The following HEATR4 variants were observed in gnomAD, a reference collection of about 807,000 sequenced individuals.
HEATR4 encodes the protein HEAT repeat-containing protein 4.
A neutral mutation model predicts 108.8 loss-of-function variants in HEATR4; 95 were observed. The ratio of observed to expected loss-of-function variants is 0.87; its 90% CI spans 0.74 to 1.04. The LOEUF (loss-of-function observed/expected upper bound fraction) is 1.04, where lower values mean the gene tolerates loss of function less well. Among genes scored for constraint, HEATR4 ranks in the 50% least tolerant of loss-of-function variants. The pLI, the probability that HEATR4 is intolerant of heterozygous loss-of-function variation, is 0.00. For missense variants in HEATR4, 1,152 were observed against 1,253.8 expected, an observed-to-expected ratio of 0.92 and a Z score of 1.23; for synonymous variants, 443 against 459.4, an observed-to-expected ratio of 0.96 and a Z score of 0.46.
At chr14:73,515,667 A>G (rs1015074930) in intron 5 of HEATR4, among the ~76,000 whole-genome samples, 2 of 98,520 alleles carry the variant, frequency 2.0e-5, no homozygotes, top group Admixed American at 1.2e-4. Context: ...GCGAGACTCC[A>G]TCTCAAAAAA....
Position 73,492,353 on chromosome 14 carries a change from G to A in HEATR4, c.2844+713C>T, listed in dbSNP as rs759738436. On this transcript the variant is annotated intron_variant, in intron 17 of 17. Transcript: ENST00000553558. The surrounding 1 kb of genome is among the most constrained non-coding windows in gnomAD (Gnocchi z 4.9). The stretch of plus-strand genomic sequence containing the variant: ...TCTGGCAGTGCAGGCTGCAATGGAA[G>A]AAAATGTGGAGTTTCGGAGGGGTCT... 2.5e-6 allele frequency: 4 copies of A among 1,613,930 alleles called. No homozygotes were observed. The highest frequency in any genetic ancestry group is 2.2e-5 in the South Asian group (2 of 91,080).
At chr14:73,525,680 C>T (rs368982346) in intron 2 of HEATR4, among the ~76,000 whole-genome samples, 7 of 152,126 alleles carry the variant, frequency 4.6e-5, no homozygotes, top group East Asian at 1.9e-4. Flanking sequence ...AGGCCGGATG[C>T]GGTGGCTCAC....
chr14:73,506,192 T>C, intron 10 of HEATR4, among the ~76,000 whole-genome samples: 1 of 152,156 alleles, frequency 6.6e-6, no homozygotes, highest in East Asian at 1.9e-4. Context: ...CCCGGCCTAC[T>C]ATAAACGTTT....
chr14:73,491,441 G>A, intron 17 of HEATR4: 1 of 1,380,092 alleles, frequency 7.2e-7, no homozygotes, highest in Non-Finnish European at 9.3e-7. Context: ...GCCGGTCCGG[G>A]TGGTGGAGAC....
chr14:73,503,082 G>GT, intron 10 of HEATR4, 69 bp from the exon 11 acceptor site: 8 of 1,274,232 alleles, frequency 6.3e-6, no homozygotes, highest in East Asian at 2.3e-5. Flanking sequence ...GCGTTGTGCT[G>GT]TTTTTTCTTC....
the HEATR4 span, among the ~76,000 whole-genome samples, chr14:73,586,271 T>G: frequency 1.3e-5 from 2 of 151,856 alleles, no homozygotes; most frequent in African/African-American, 4.8e-5. Flanking sequence ...CGCATGCCTG[T>G]AATCCCAGCT....
chr14:73,612,813 T>G, the HEATR4 span: 4 of 1,423,044 alleles, frequency 2.8e-6, no homozygotes, highest in East Asian at 9.0e-5. Context: ...ATGGGGCTGC[T>G]GTGGGCGTTG....
At chr14:73,485,616 T>C (rs1281815462) in intron 17 of HEATR4, among the ~76,000 whole-genome samples, 4 of 152,192 alleles carry the variant, frequency 2.6e-5, no homozygotes, top group Non-Finnish European at 5.9e-5. Flanking sequence ...CTCATTCCTG[T>C]AATCCCAGCA....
the HEATR4 span, among the ~76,000 whole-genome samples, chr14:73,629,733 C>T: frequency 6.6e-5 from 10 of 151,876 alleles, no homozygotes; most frequent in African/African-American, 2.4e-4. Flanking sequence ...CAAGCTCTGC[C>T]TCCCGGGTTC....
Position 73,536,210 on chromosome 14 carries a change from A to C in HEATR4, c.-151-5966T>G, listed in dbSNP as rs185197365. The stretch of plus-strand genomic sequence containing the variant: ...GCAAACACAGGTTTTGTGAGTTTGA[A>C]GCTTACGCATTTATAGGTTTCTCTA... On this transcript the variant is annotated intron_variant, in intron 1 of 17. Transcript: ENST00000553558. Among the ~76,000 whole-genome samples the C allele has an allele frequency of 1.1e-3, 127 of 113,714 alleles. 30 individuals carry two copies. Among genetic ancestry groups the C allele is most frequent in the African/African-American group, 3.3e-3 (115 of 34,892 alleles). The allele number at this position is 113,714 out of a possible 152,430, so 74.6% of individuals were successfully genotyped here.
chr14:73,618,327 T>A, the HEATR4 span, among the ~76,000 whole-genome samples: 1 of 151,814 alleles, frequency 6.6e-6, no homozygotes, highest in African/African-American at 2.4e-5. Context: ...CACCCCAGAA[T>A]TCTCTGCCAA....
At position 73,506,804 on chromosome 14, in the gene HEATR4, G is replaced by GTTTTTTTTTTTTTTTTTTTTTTTTTTTTT. The variant is rs34660727; in HGVS notation, c.1882-234_1882-233insAAAAAAAAAAAAAAAAAAAAAAAAAAAAA. On this transcript the variant is annotated intron_variant, in intron 9 of 17. Transcript: ENST00000553558. The stretch of plus-strand genomic sequence containing the variant: ...GGACCTTCCTTTCCTGACTTTAACT[G>GTTTTTTTTTTTTTTTTTTTTTTTTTTTTT]TTTTTTTTTTTTTTTTTTTTTCTGA... Among the ~76,000 whole-genome samples the GTTTTTTTTTTTTTTTTTTTTTTTTTTTTT allele has an allele frequency of 2.7e-4, 22 of 80,490 alleles. 3 individuals are homozygous for GTTTTTTTTTTTTTTTTTTTTTTTTTTTTT. The highest frequency in any genetic ancestry group is 1.2e-3 in the East Asian group (2 of 1,738). 52.8% of individuals were successfully genotyped at this position (80,490 alleles called of 152,430 possible). A position where few individuals can be genotyped will look rare whatever the true frequency, so the allele number is the denominator to read the frequency against.
At chr14:73,590,427 C>T in the HEATR4 span, among the ~76,000 whole-genome samples, 2 of 152,276 alleles carry the variant, frequency 1.3e-5, no homozygotes, top group Non-Finnish European at 2.9e-5. Flanking sequence ...CCAGTGGATG[C>T]CGCACGGGGT....
intron 1 of HEATR4, among the ~76,000 whole-genome samples, chr14:73,548,867 CTG>C (rs1478724145): frequency 8.7e-6 from 1 of 114,334 alleles, no homozygotes; most frequent in South Asian, 2.8e-4. Flanking sequence ...TATTAACACA[CTG>C]TGAAAGGATT....
At chr14:73,482,552 G>T (rs983821632) in intron 17 of HEATR4, among the ~76,000 whole-genome samples, 1 of 152,154 alleles carries the variant, frequency 6.6e-6, no homozygotes, top group African/African-American at 2.4e-5. Flanking sequence ...GGAAGCACAG[G>T]AGACTTTTTA....
At chr14:73,504,977 GC>G (rs1295848455) in intron 10 of HEATR4, among the ~76,000 whole-genome samples, 1 of 152,074 alleles carries the variant, frequency 6.6e-6, no homozygotes, top group Admixed American at 6.5e-5. Flanking sequence ...TGTCGCCCAG[GC>G]TGGAGTGCAG....
At chr14:73,604,743 C>T in the HEATR4 span, among the ~76,000 whole-genome samples, 3 of 152,088 alleles carry the variant, frequency 2.0e-5, no homozygotes, top group African/African-American at 7.2e-5. Context: ...CAGCCTTGGC[C>T]TCCCAAGTGC....
chr14:73,516,503 T>C (rs1257901053), intron 5 of HEATR4, among the ~76,000 whole-genome samples: 1 of 147,464 alleles, frequency 6.8e-6, no homozygotes, highest in Non-Finnish European at 1.5e-5. Context: ...CTTAGATCTC[T>C]GATATTTAAC....
intron 2 of HEATR4, among the ~76,000 whole-genome samples, chr14:73,525,342 C>T (rs1365814990): frequency 6.6e-6 from 1 of 152,186 alleles, no homozygotes. Flanking sequence ...AAAGGCTCAA[C>T]TTTCATCTAG....
Sources: gnomAD v4.1 joint callset for allele counts (sites outside exome capture counted in the v4.1 genomes callset) on GRCh38, gnomAD v4.1.1 for gene constraint, Gnocchi (gnomAD v3.1) non-coding constraint, MANE v1.5 for transcripts, NCBI Gene and HGNC (gene_info 2026-07-23, HGNC 2026-07-21) for gene names.